Variants in TEX101 observed in about 807,000 individuals in gnomAD.
TEX101 encodes testis-expressed protein 101.
In TEX101, 10 loss-of-function variants were observed where a neutral mutation model predicts 18.1. That is an observed-to-expected ratio of 0.55 (90% CI 0.34 to 0.94). The LOEUF (loss-of-function observed/expected upper bound fraction) is 0.94, where lower values mean the gene tolerates loss of function less well. Among genes scored for constraint, TEX101 ranks in the 40% least tolerant of loss-of-function variants. TEX101 has a pLI of 0.02. For missense variants in TEX101, 259 were observed against 298.9 expected, an observed-to-expected ratio of 0.87 and a Z score of 0.98; for synonymous variants, 94 against 114.8, an observed-to-expected ratio of 0.82 and a Z score of 1.16.
chr19:43,417,215 C>A (rs949212512), intron 4 of TEX101, among the ~76,000 whole-genome samples: 1 of 152,072 alleles, frequency 6.6e-6, no homozygotes, highest in African/African-American at 2.4e-5. Context: ...TTCCCTCTCT[C>A]ATTTACTGTG....
At chr19:43,405,663 G>A (rs562959081) in intron 2 of TEX101, among the ~76,000 whole-genome samples, 1 of 150,800 alleles carries the variant, frequency 6.6e-6, no homozygotes, top group Non-Finnish European at 1.5e-5. Flanking sequence ...GGTGACTCAC[G>A]CCTGTAATCC....
At chr19:43,395,771 T>G in the TEX101 span, among the ~76,000 whole-genome samples, 1 of 152,256 alleles carries the variant, frequency 6.6e-6, no homozygotes, top group Non-Finnish European at 1.5e-5. Context: ...GCTGCCGTTG[T>G]GCATTTCATG....
At chr19:43,392,078 T>C in the TEX101 span, among the ~76,000 whole-genome samples, 2 of 149,792 alleles carry the variant, frequency 1.3e-5, no homozygotes, top group Admixed American at 6.6e-5. Context: ...ACAGAGAGAG[T>C]TGGGGCAGGG....
chr19:43,397,819 ATATAAAAATATATATTT>A (rs1295930811), upstream of TEX101, among the ~76,000 whole-genome samples: 1 of 118,394 alleles, frequency 8.4e-6, no homozygotes, highest in Non-Finnish European at 1.7e-5. Flanking sequence ...AAATATAAAT[ATATAAAAATATATATTT>A]TATATAAATA....
chr19:43,413,133 G>A (rs1970433319), upstream of TEX101, among the ~76,000 whole-genome samples: 1 of 152,126 alleles, frequency 6.6e-6, no homozygotes, highest in East Asian at 1.9e-4. Context: ...GATGCATGTA[G>A]CCCCCAGTCA....
chr19:43,393,074 GGGAAGGAA>G, the TEX101 span, among the ~76,000 whole-genome samples: 265 of 129,502 alleles, frequency 2.0e-3, 1 homozygote, highest in African/African-American at 7.3e-3. Flanking sequence ...AAAGAAAGAA[GGGAAGGAA>G]GGAAGGAAGG....
the TEX101 span, among the ~76,000 whole-genome samples, chr19:43,391,749 G>T: frequency 6.6e-6 from 1 of 152,158 alleles, no homozygotes; most frequent in Non-Finnish European, 1.5e-5. Context: ...AAACATCAGG[G>T]TCGTTCCCGG....
chr19:43,413,934 G>T (rs955780307), upstream of TEX101, among the ~76,000 whole-genome samples: 1 of 151,632 alleles, frequency 6.6e-6, no homozygotes, highest in Non-Finnish European at 1.5e-5. Flanking sequence ...CAGCCTGGGG[G>T]ATAGAGAGAG....
Position 43,418,220 on chromosome 19 carries a change from C to A in TEX101, c.573C>A (p.Cys191Ter), listed in dbSNP as rs143625226. ...AAGGCTGTACAGCCATGATTGGCTG[C>A]AGGCTGATGTCTGGAATCTTAGCAG... ...EVKGCTAMIG[C>*]RLMSGILAVG... Residue 191 changes from cysteine to a stop codon, truncating the protein, a stop_gained, in exon 6 of 6, where the codon TGC (cysteine) becomes TGA (stop). Transcript: ENST00000598265. LOFTEE classifies it low-confidence loss of function (END_TRUNC). The A allele has an allele frequency of 2.5e-6, 4 of 1,614,038 alleles. No homozygotes were observed. Among genetic ancestry groups the A allele is most frequent in the African/African-American group, 1.3e-5 (1 of 74,916 alleles).
chr19:43,392,630 G>A, the TEX101 span, among the ~76,000 whole-genome samples: 1 of 152,048 alleles, frequency 6.6e-6, no homozygotes, highest in Admixed American at 6.6e-5. Flanking sequence ...CACAAAATCA[G>A]AACAGAGACA....
At chr19:43,397,849 TA>T (rs1970282353), upstream of TEX101, among the ~76,000 whole-genome samples, 1 of 107,014 alleles carries the variant, frequency 9.3e-6, no homozygotes, top group Non-Finnish European at 1.8e-5. Flanking sequence ...TATAAATATA[TA>T]ATATATATAA....
At chr19:43,391,523 T>G in the TEX101 span, among the ~76,000 whole-genome samples, 1 of 151,988 alleles carries the variant, frequency 6.6e-6, no homozygotes, top group Non-Finnish European at 1.5e-5. Flanking sequence ...CATCTTTTCA[T>G]GTGCTTATTG....
At chr19:43,394,846 T>C in the TEX101 span, among the ~76,000 whole-genome samples, 1 of 152,222 alleles carries the variant, frequency 6.6e-6, no homozygotes, top group East Asian at 1.9e-4. Flanking sequence ...TTTATGCAAA[T>C]ACTTGTGATG....
the TEX101 span, among the ~76,000 whole-genome samples, chr19:43,390,741 A>G: frequency 6.6e-6 from 1 of 151,796 alleles, no homozygotes; most frequent in East Asian, 1.9e-4. Flanking sequence ...TGCTGGGATT[A>G]GACGTAAGCC....
At chr19:43,413,107 TTC>T (rs1218046354), upstream of TEX101, among the ~76,000 whole-genome samples, 4 of 152,174 alleles carry the variant, frequency 2.6e-5, no homozygotes, top group Admixed American at 1.3e-4. Flanking sequence ...TTGCAAAACT[TTC>T]TGTTCTGTTA....
chr19:43,409,968 T>C (rs1970404411), upstream of TEX101, among the ~76,000 whole-genome samples: 1 of 151,990 alleles, frequency 6.6e-6, no homozygotes, highest in Non-Finnish European at 1.5e-5. Flanking sequence ...GCCCAGGAGT[T>C]TGAGGCTGCA....
exon 3 of TEX101, chr19:43,406,373 C>T: frequency 4.4e-6 from 3 of 675,858 alleles, no homozygotes; most frequent in Non-Finnish European, 5.4e-6. Context: ...TAGCATCCAG[C>T]GACACCACAG....
intron 5 of TEX101, 60 bp from the exon 6 acceptor site, chr19:43,418,108 G>A: frequency 6.2e-7 from 1 of 1,610,976 alleles, no homozygotes; most frequent in East Asian, 2.2e-5. Context: ...AGGGGGGACT[G>A]GATTCTCCTC....
intron 1 of TEX101, 139 bp downstream of exon 1, chr19:43,415,177 C>T (rs1970459654): frequency 2.2e-6 from 1 of 445,532 alleles, no homozygotes; most frequent in Admixed American, 1.1e-4. Context: ...CTCCTCGATC[C>T]CTACATAGGA....
Sources: gnomAD v4.1 joint callset for allele counts (sites outside exome capture counted in the v4.1 genomes callset) on GRCh38, gnomAD v4.1.1 for gene constraint, MANE v1.5 for transcripts, NCBI Gene and HGNC (gene_info 2026-07-23, HGNC 2026-07-21) for gene names.